APAF1: variants seen among roughly 807,000 people sequenced by gnomAD.
APAF1 encodes the protein apoptotic protease-activating factor 1.
A neutral mutation model predicts 152.4 loss-of-function variants in APAF1; 91 were observed. That is an observed-to-expected ratio of 0.60 (90% CI 0.50 to 0.71). APAF1 has a LOEUF of 0.71. Among genes scored for constraint, APAF1 ranks in the 30% least tolerant of loss-of-function variants. The pLI, the probability that APAF1 is intolerant of heterozygous loss-of-function variation, is 0.00. For missense variants in APAF1, 1,283 were observed against 1,472.0 expected, an observed-to-expected ratio of 0.87 and a Z score of 2.10; for synonymous variants, 484 against 494.1, an observed-to-expected ratio of 0.98 and a Z score of 0.27.
rs1042512101 is a variant in APAF1, at chr12:98,649,557, G to A, written c.399G>A (p.Val133=). The A allele has an allele frequency of 6.2e-7, 1 of 1,614,202 alleles. No homozygotes were observed. The highest frequency in any genetic ancestry group is 8.5e-7 in the Non-Finnish European group (1 of 1,180,030). Residue 133 remains valine, a synonymous_variant, in exon 4 of 27, where the codon GTG becomes GTA. Transcript: ENST00000551964. ...PVVFVTRKKL[V]NAIQQKLSKL... ...TTTTTGTCACAAGGAAGAAGCTGGT[G>A]AATGCAATTCAGCAGAAGCTCTCCA... is the stretch of plus-strand genomic sequence containing the variant.
At chr12:98,731,022 A>G (rs1355954043) in intron 26 of APAF1, among the ~76,000 whole-genome samples, 1 of 152,212 alleles carries the variant, frequency 6.6e-6, no homozygotes, top group Non-Finnish European at 1.5e-5. Flanking sequence ...GTGGTGTGCC[A>G]TGACTTGGTG....
intron 15 of APAF1, among the ~76,000 whole-genome samples, chr12:98,683,475 G>T (rs779574454): frequency 7.2e-5 from 11 of 152,100 alleles, no homozygotes; most frequent in Non-Finnish European, 1.0e-4. Context: ...GAGGGAGCAT[G>T]GCTTCAGGCA....
At chr12:98,655,116 G>A (rs2097655041) in intron 4 of APAF1, among the ~76,000 whole-genome samples, 1 of 109,018 alleles carries the variant, frequency 9.2e-6, no homozygotes, top group Non-Finnish European at 1.9e-5. Flanking sequence ...AGTGGACACA[G>A]CACATGTTTC....
chr12:98,668,010 G>A (rs2097675530), intron 10 of APAF1, among the ~76,000 whole-genome samples: 3 of 151,786 alleles, frequency 2.0e-5, no homozygotes, highest in Non-Finnish European at 4.4e-5. Context: ...TGAGCTTGAC[G>A]TGAGCTCAAG....
rs76709270 is a variant in APAF1 at position 98,723,621 on chromosome 12, T to G, written c.3205-18T>G. On this transcript the variant is annotated intron_variant, in intron 23 of 26. Transcript: ENST00000551964. ...CTTAAAAGTGTCAACCTCCAAGTGTTTTTTTTTTTTTTTTAAGGTATGGAA... is the reference window on the plus strand; with the variant it reads ...CTTAAAAGTGTCAACCTCCAAGTGTGTTTTTTTTTTTTTTAAGGTATGGAA... 10 of 1,103,264 alleles carry G rather than the reference T, an allele frequency of 9.1e-6. No individual in the cohort carries two copies. Among genetic ancestry groups the G allele is most frequent in the South Asian group, 5.6e-5 (3 of 53,452 alleles). The allele number at this position is 1,103,264 out of a possible 1,614,324, so 68.3% of individuals were successfully genotyped here.
intron 1 of APAF1, among the ~76,000 whole-genome samples, chr12:98,647,021 C>G (rs1437932476): frequency 7.4e-6 from 1 of 134,496 alleles, no homozygotes; most frequent in Non-Finnish European, 1.7e-5. Flanking sequence ...AACAAGAAGT[C>G]TCTTAATATT....
chr12:98,726,955 T>C (rs965440111), intron 25 of APAF1, among the ~76,000 whole-genome samples: 1 of 152,234 alleles, frequency 6.6e-6, no homozygotes, highest in Non-Finnish European at 1.5e-5. Flanking sequence ...TGTTTCTTTT[T>C]CTTATTCTGG....
At chr12:98,647,616 C>A (rs866346796) in intron 1 of APAF1, among the ~76,000 whole-genome samples, 2 of 151,852 alleles carry the variant, frequency 1.3e-5, no homozygotes, top group African/African-American at 4.8e-5. Flanking sequence ...GTGATCCACC[C>A]GCCTCGGCCT....
In APAF1 at chr12:98,703,484, C is replaced by G. The variant is rs1268509866; in HGVS notation, c.2580C>G (p.Ser860=). The G allele has an allele frequency of 6.2e-7, 1 of 1,613,944 alleles. No homozygotes were observed. The highest frequency in any genetic ancestry group is 2.2e-5 in the East Asian group (1 of 44,890). Residue 860 remains serine (S), a synonymous_variant, in exon 18 of 27, where the codon TCC becomes TCG. Coordinates refer to ENST00000551964, the MANE Select transcript of APAF1 (RefSeq NM_181861.2). ...ACCATTTGGCAGTGGTTGCTTTGTCCCAGTACTGTGTAGAGGTGAGTAGTT... is the reference window on the plus strand; with the variant it reads ...ACCATTTGGCAGTGGTTGCTTTGTCGCAGTACTGTGTAGAGGTGAGTAGTT... ...PQNHLAVVAL[S]QYCVELWNTD...
At chr12:98,661,545 C>T (rs1048289448) in intron 5 of APAF1, among the ~76,000 whole-genome samples, 7 of 151,960 alleles carry the variant, frequency 4.6e-5, no homozygotes, top group African/African-American at 1.4e-4. Context: ...GGTGCGATAT[C>T]GGTTCACTGC....
rs1162889828 is a variant in APAF1 at position 98,662,503 on chromosome 12, C to T, written c.758C>T (p.Ala253Val). Residue 253 changes from alanine (A) to valine (V), a missense_variant, in exon 6 of 27, where the codon GCT becomes GTT. By Grantham distance (64) the Ala-to-Val change is moderately conservative. Transcript: ENST00000551964. ...DDVWDSWVLKAFDSQCQILLT... is the reference protein window; with the variant it reads ...DDVWDSWVLKVFDSQCQILLT... The stretch of plus-strand genomic sequence containing the variant: ...GTTTGGGACTCTTGGGTGTTGAAAG[C>T]TTTTGACAGTCAGTGTCAGATTCTT... The T allele has an allele frequency of 2.5e-6, 4 of 1,613,488 alleles. No homozygotes were observed. Among genetic ancestry groups the T allele is most frequent in the Non-Finnish European group, 3.4e-6 (4 of 1,179,758 alleles).
In APAF1 at chr12:98,705,221, T is replaced by C. The variant is rs549090091; in HGVS notation, c.2596-1264T>C. Among the ~76,000 whole-genome samples, 7 of 152,224 alleles carry C rather than the reference T, an allele frequency of 4.6e-5. No homozygotes were observed. In the East Asian group the frequency reaches 1.4e-3, roughly 29 times the overall value. ...CCTTACCCTCTGCCATCCTTAGCAATCTCCAGGAAACAATGAAAGAGTATC... is the reference window on the plus strand; with the variant it reads ...CCTTACCCTCTGCCATCCTTAGCAACCTCCAGGAAACAATGAAAGAGTATC... On this transcript the variant is annotated intron_variant, in intron 18 of 26. Coordinates refer to ENST00000551964, the MANE Select transcript of APAF1 (RefSeq NM_181861.2).
intron 16 of APAF1, among the ~76,000 whole-genome samples, chr12:98,687,955 G>T (rs2097699766): frequency 6.6e-6 from 1 of 152,126 alleles, no homozygotes; most frequent in African/African-American, 2.4e-5. Flanking sequence ...AGGAGTACAG[G>T]CGCCTGCCAC....
chr12:98,670,107 G>A (rs1379773826), intron 10 of APAF1, among the ~76,000 whole-genome samples: 1 of 151,916 alleles, frequency 6.6e-6, no homozygotes, highest in African/African-American at 2.4e-5. Context: ...ACCACACCCG[G>A]CTAATTTTTG....
At chr12:98,668,611 A>T (rs77058764) in intron 10 of APAF1, among the ~76,000 whole-genome samples, 1,640 of 152,116 alleles carry the variant, frequency 0.011, 18 homozygotes, top group African/African-American at 0.023. Flanking sequence ...AATCATCATG[A>T]TTTGCTTATG....
At chr12:98,673,958 T>A (rs1364728855) in intron 12 of APAF1, among the ~76,000 whole-genome samples, 11 of 150,628 alleles carry the variant, frequency 7.3e-5, no homozygotes, top group East Asian at 1.9e-4. Context: ...AGAATTAAAA[T>A]TTTTTTTTTA....
chr12:98,718,798 G>T (rs977893988), intron 22 of APAF1, among the ~76,000 whole-genome samples: 3 of 151,888 alleles, frequency 2.0e-5, no homozygotes, highest in Admixed American at 6.6e-5. Flanking sequence ...GCCAGGTGTG[G>T]TAGTGCATGC....
rs75170480 is a variant in APAF1 at position 98,664,822 on chromosome 12, G to A, written c.956-731G>A. Among the ~76,000 whole-genome samples the A allele has an allele frequency of 6.0e-3, 898 of 149,730 alleles. 8 individuals carry two copies. The highest frequency in any genetic ancestry group is 0.021 in the African/African-American group (841 of 40,716). ...AGTGCTAGGACTACAGACACATGTC[G>A]CCACACCCAGCTGGATCTTACCCTT... On this transcript the variant is annotated intron_variant, in intron 7 of 26. Transcript: ENST00000551964.
chr12:98,654,104 C>T (rs1310611353), intron 4 of APAF1, among the ~76,000 whole-genome samples: 1 of 152,024 alleles, frequency 6.6e-6, no homozygotes, highest in Non-Finnish European at 1.5e-5. Flanking sequence ...CCCTCTTGTG[C>T]CCATAGTCAA....
Sources: gnomAD v4.1 joint callset for allele counts (sites outside exome capture counted in the v4.1 genomes callset) on GRCh38, gnomAD v4.1.1 for gene constraint, MANE v1.5 for transcripts, NCBI Gene and HGNC (gene_info 2026-07-23, HGNC 2026-07-21) for gene names.